The following GREB1 variants were observed in gnomAD, a reference collection of about 807,000 sequenced individuals.
GREB1 encodes protein GREB1.
Under a neutral mutation model 200.7 loss-of-function variants are expected in GREB1, and 106 were observed. The observed-to-expected ratio is 0.53, with a 90% CI of 0.45 to 0.62. The LOEUF (loss-of-function observed/expected upper bound fraction) is 0.62, where lower values mean the gene tolerates loss of function less well. Ranked by LOEUF, GREB1 falls within the 20% of genes least tolerant of loss-of-function variation. GREB1 has a pLI of 0.00. For missense variants in GREB1, 2,243 were observed against 2,556.8 expected (o/e 0.88, Z 2.65); for synonymous variants, 1,132 against 1,092.4 (o/e 1.04, Z -0.72).
At chr2:11,581,918 A>G (rs1313674086) in intron 7 of GREB1, among the ~76,000 whole-genome samples, 1 of 152,182 alleles carries the variant, frequency 6.6e-6, no homozygotes, top group Non-Finnish European at 1.5e-5. Flanking sequence ...TCTGAACAGA[A>G]TCCGAGGCCT....
At chr2:11,496,538 G>T (rs1672895372) in intron 1 of GREB1, among the ~76,000 whole-genome samples, 1 of 100,562 alleles carries the variant, frequency 9.9e-6, no homozygotes, top group Non-Finnish European at 1.8e-5. Flanking sequence ...TCACATGTCT[G>T]ACGAACAAGG....
intron 1 of GREB1, among the ~76,000 whole-genome samples, chr2:11,555,378 T>G (rs1335046830): frequency 6.6e-6 from 1 of 152,176 alleles, no homozygotes; most frequent in Admixed American, 6.5e-5. Context: ...ATTAAAATTG[T>G]TCTAAAAACA....
chr2:11,588,897 G>T lies in GREB1; in HGVS notation c.1311G>T (p.Gln437His). The T allele has an allele frequency of 6.2e-7, 1 of 1,613,992 alleles. No homozygotes were observed. Among genetic ancestry groups the T allele is most frequent in the Non-Finnish European group, 8.5e-7 (1 of 1,179,868 alleles). The part of the protein sequence containing the change: ...SAIQPISEEM[Q>H]LLLTVYYLVQ... The stretch of plus-strand genomic sequence containing the variant: ...TCCAGCCCATCTCCGAGGAGATGCA[G>T]CTCCTGCTTACCGTCTACTACCTGG... The change falls in exon 10 of 33, where the codon CAG becomes CAT. Residue 437 changes from glutamine to histidine, a missense_variant. Physicochemically the swap from Gln to His is conservative, Grantham distance 24. Coordinates refer to ENST00000381486, the MANE Select transcript of GREB1 (RefSeq NM_014668.4).
chr2:11,494,541 G>A (rs1468763849), intron 1 of GREB1, among the ~76,000 whole-genome samples: 4 of 152,202 alleles, frequency 2.6e-5, no homozygotes, highest in South Asian at 2.1e-4. Context: ...CTAGAAATCC[G>A]GAGTCCATTC....
In GREB1 at chr2:11,640,604, C is replaced by T. The variant is rs1418164083; in HGVS notation, c.*150C>T. ...GCCCCTCCTAGTACACATGGGCCCC[C>T]GAGGCCGTGGTCCTGGGAGCCAGGA... On this transcript the variant is annotated 3_prime_UTR_variant, in exon 33 of 33. Coordinates refer to ENST00000381486, the MANE Select transcript of GREB1 (RefSeq NM_014668.4). The surrounding 1 kb of genome is among the most constrained non-coding windows in gnomAD (Gnocchi z 4.6). 3 of 840,270 alleles carry T rather than the reference C, an allele frequency of 3.6e-6. No homozygotes were observed. Among genetic ancestry groups the T allele is most frequent in the Non-Finnish European group, 5.5e-6 (3 of 542,900 alleles). The allele number at this position is 840,270 out of a possible 1,614,324, so 52.1% of individuals were successfully genotyped here. A position where few individuals can be genotyped will look rare whatever the true frequency, so the allele number is the denominator to read the frequency against.
At chr2:11,622,274 T>C (rs916240541) in intron 23 of GREB1, among the ~76,000 whole-genome samples, 5 of 152,050 alleles carry the variant, frequency 3.3e-5, no homozygotes, top group Admixed American at 6.5e-5. Flanking sequence ...ATAGACAGGG[T>C]TTCACCATGT....
At position 11,618,199 on chromosome 2, in the gene GREB1, T is replaced by C. The variant is rs56678270; in HGVS notation, c.3413-89T>C. 4,148 of 858,466 alleles carry C rather than the reference T, an allele frequency of 4.8e-3. 68 individuals carry two copies. Among genetic ancestry groups the C allele is most frequent in the East Asian group, 0.032 (623 of 19,544 alleles). 53.2% of individuals were successfully genotyped at this position (858,466 alleles called of 1,614,324 possible). A position where few individuals can be genotyped will look rare whatever the true frequency, so the allele number is the denominator to read the frequency against. On this transcript the variant is annotated intron_variant, in intron 21 of 32. Coordinates refer to ENST00000381486, the MANE Select transcript of GREB1 (RefSeq NM_014668.4). The stretch of plus-strand genomic sequence containing the variant: ...TGGGACAGGTCACTCCTGGGATGGG[T>C]GACTCCTGGGACAGGTCACTCCTGG...
At chr2:11,590,380 C>A (rs1680610526) in intron 10 of GREB1, among the ~76,000 whole-genome samples, 1 of 152,186 alleles carries the variant, frequency 6.6e-6, no homozygotes. Flanking sequence ...CACTCCACCC[C>A]TTCCCGGGGG....
chr2:11,561,056 G>T (rs1347570391), intron 2 of GREB1: 1 of 152,246 alleles, frequency 6.6e-6, no homozygotes, highest in Non-Finnish European at 1.5e-5. Context: ...GGAGCTGAGA[G>T]AATTTCATTT....
intron 1 of GREB1, among the ~76,000 whole-genome samples, chr2:11,489,797 ACT>A (rs1489718839): frequency 2.6e-5 from 4 of 151,934 alleles, no homozygotes; most frequent in African/African-American, 9.7e-5. Context: ...GTGAATTGCC[ACT>A]CTCTTTACAA....
At chr2:11,490,238 C>T (rs1021189028) in intron 1 of GREB1, among the ~76,000 whole-genome samples, 1 of 152,130 alleles carries the variant, frequency 6.6e-6, no homozygotes, top group Admixed American at 6.6e-5. Flanking sequence ...CCCTGACCAC[C>T]ACGACTCTGC....
At chr2:11,626,662 G>A (rs569351861) in intron 24 of GREB1, among the ~76,000 whole-genome samples, 1 of 152,288 alleles carries the variant, frequency 6.6e-6, no homozygotes, top group African/African-American at 2.4e-5. Context: ...GTTGGCAATC[G>A]ATTTAAATTG....
intron 1 of GREB1, among the ~76,000 whole-genome samples, chr2:11,546,195 A>C (rs557270311): frequency 6.6e-6 from 1 of 151,806 alleles, no homozygotes; most frequent in East Asian, 1.9e-4. Flanking sequence ...AAAATAAAAA[A>C]AAATAACAAA....
intron 6 of GREB1, among the ~76,000 whole-genome samples, chr2:11,578,731 A>C (rs957072556): frequency 2.6e-5 from 4 of 152,070 alleles, no homozygotes; most frequent in Non-Finnish European, 5.9e-5. Context: ...AGAGCTCTCT[A>C]TGTAAAGATG....
intron 1 of GREB1, among the ~76,000 whole-genome samples, chr2:11,541,664 T>C (rs1483633757): frequency 1.3e-5 from 2 of 152,154 alleles, no homozygotes; most frequent in African/African-American, 4.8e-5. Context: ...CCTAGAAGCC[T>C]TCCTTAGGAA....
intron 9 of GREB1, chr2:11,587,980 C>T: frequency 1.0e-6 from 1 of 969,770 alleles, no homozygotes; most frequent in Non-Finnish European, 1.2e-6. Flanking sequence ...AATCCCAGAA[C>T]TTTGAGAGGC....
chr2:11,533,473 G>T (rs1225180852), upstream of GREB1, among the ~76,000 whole-genome samples: 1 of 152,208 alleles, frequency 6.6e-6, no homozygotes, highest in Non-Finnish European at 1.5e-5. Flanking sequence ...ACACAGCTCC[G>T]GTGGGTGAGG....
chr2:11,586,274 C>T (rs940642899), intron 9 of GREB1, among the ~76,000 whole-genome samples: 1 of 152,266 alleles, frequency 6.6e-6, no homozygotes, highest in Non-Finnish European at 1.5e-5. Flanking sequence ...AAATCACTCC[C>T]TGGCTGCAGG....
In GREB1 at chr2:11,545,428, G is replaced by A. The variant is rs139852451; in HGVS notation, c.-161-11026G>A. Among the ~76,000 whole-genome samples, 796 of 152,252 alleles carry A rather than the reference G, an allele frequency of 5.2e-3. 3 individuals carry two copies. Among genetic ancestry groups the A allele is most frequent in the Middle Eastern group, 0.01 (3 of 294 alleles). ...ACTACAGGCATGAGCCACTGCACCCGGCCAATCAGCAACTTTCTATGGCAG... is the reference window on the plus strand; with the variant it reads ...ACTACAGGCATGAGCCACTGCACCCAGCCAATCAGCAACTTTCTATGGCAG... On this transcript the variant is annotated intron_variant, in intron 1 of 32. Coordinates refer to ENST00000381486, the MANE Select transcript of GREB1 (RefSeq NM_014668.4).
Sources: allele counts gnomAD v4.1 joint callset (sites outside exome capture counted in the v4.1 genomes callset), GRCh38; gene constraint gnomAD v4.1.1; non-coding constraint Gnocchi (gnomAD v3.1); transcripts MANE v1.5; gene names NCBI Gene and HGNC (gene_info 2026-07-23, HGNC 2026-07-21).